TMTC2: variants seen among roughly 807,000 people sequenced by gnomAD.
TMTC2 encodes the protein transmembrane O-mannosyltransferase targeting cadherins 2.
TMTC2 carries 43 observed loss-of-function variants against 82.4 expected under a neutral mutation model. That is an observed-to-expected ratio of 0.52 (90% CI 0.41 to 0.67). The LOEUF is 0.67. TMTC2 is among the 30% of genes least tolerant of loss of function. TMTC2 has a pLI of 0.00. For missense variants in TMTC2, 919 were observed against 1,012.4 expected, an observed-to-expected ratio of 0.91 and a Z score of 1.25; for synonymous variants, 408 against 381.9, an observed-to-expected ratio of 1.07 and a Z score of -0.80.
chr12:82,726,393 T>C (rs1874448123), intron 1 of TMTC2, among the ~76,000 whole-genome samples: 1 of 152,204 alleles, frequency 6.6e-6, no homozygotes, highest in African/African-American at 2.4e-5. Context: ...TGTGGTTCTT[T>C]TTCCTAGCAA....
At chr12:83,123,083 G>A in intron 11 of TMTC2, among the ~76,000 whole-genome samples, 1 of 152,250 alleles carries the variant, frequency 6.6e-6, no homozygotes, top group East Asian at 1.9e-4. Flanking sequence ...CAAAACTGTT[G>A]GCATTTTGAT....
chr12:82,794,412 G>A (rs922156365), intron 1 of TMTC2, among the ~76,000 whole-genome samples: 3 of 152,120 alleles, frequency 2.0e-5, no homozygotes, highest in African/African-American at 4.8e-5. Context: ...TATATTGTTA[G>A]TGACATTTCA....
At position 82,747,770 on chromosome 12, in the gene TMTC2, G is replaced by A. The variant is rs571225050; in HGVS notation, c.83+60101G>A. 3.5e-4 allele frequency among the ~76,000 whole-genome samples: 53 copies of A among 152,160 alleles called. 1 individual carries two copies. Among genetic ancestry groups the A allele is most frequent in the African/African-American group, 1.3e-3 (53 of 41,516 alleles). On this transcript the variant is annotated intron_variant, in intron 1 of 11. Transcript: ENST00000321196. ...TAGCTTTTTTACTTAAATACGTTTAGCACTTTCTTTTTAGCAACTATTTGA... is the reference window on the plus strand; with the variant it reads ...TAGCTTTTTTACTTAAATACGTTTAACACTTTCTTTTTAGCAACTATTTGA...
chr12:83,003,715 T>A (rs1222650707), intron 8 of TMTC2, among the ~76,000 whole-genome samples: 1 of 152,196 alleles, frequency 6.6e-6, no homozygotes, highest in East Asian at 1.9e-4. Flanking sequence ...TGGAATTTCA[T>A]TTCTTTAAGG....
At chr12:82,729,827 G>A in intron 1 of TMTC2, among the ~76,000 whole-genome samples, 1 of 152,090 alleles carries the variant, frequency 6.6e-6, no homozygotes, top group East Asian at 1.9e-4. Context: ...TCACTCTTTG[G>A]GTCCACACTG....
chr12:82,850,016 G>A (rs1870888745), intron 1 of TMTC2, among the ~76,000 whole-genome samples: 2 of 151,988 alleles, frequency 1.3e-5, no homozygotes, highest in Non-Finnish European at 2.9e-5. Context: ...CAATTGTGTG[G>A]CCAGTGATGG....
chr12:82,937,764 A>ATATATATGTGTG (rs1565818292), intron 4 of TMTC2, among the ~76,000 whole-genome samples: 38 of 18,692 alleles, frequency 2.0e-3, no homozygotes, highest in African/African-American at 7.1e-3. Flanking sequence ...ATATATATAT[A>ATATATATGTGTG]TATATATATA....
At position 83,051,002 on chromosome 12, in the gene TMTC2, G is replaced by A. The variant is rs776040398; in HGVS notation, c.2251G>A (p.Ala751Thr). 8 of 1,609,984 alleles carry A rather than the reference G, an allele frequency of 5.0e-6. No homozygotes were observed. The Admixed American group carries it at 1.2e-4, about 24-fold the overall frequency. ...CACAGAGTTTGATGTTGTCTTCAATGCTGCCCACATGCTCAGGTTAGTTTT... is the reference window on the plus strand; with the variant it reads ...CACAGAGTTTGATGTTGTCTTCAATACTGCCCACATGCTCAGGTTAGTTTT... ...DSTEFDVVFNAAHMLRQASLN... is the reference protein window; with the variant it reads ...DSTEFDVVFNTAHMLRQASLN... Residue 751 changes from alanine to threonine, a missense_variant, in exon 10 of 12, where the codon GCT becomes ACT. Ala to Thr is a moderately conservative substitution (Grantham distance 58). Coordinates refer to ENST00000321196, the MANE Select transcript of TMTC2 (RefSeq NM_152588.3).
At chr12:82,733,322 A>G (rs999963351) in intron 1 of TMTC2, among the ~76,000 whole-genome samples, 2 of 152,198 alleles carry the variant, frequency 1.3e-5, no homozygotes, top group Non-Finnish European at 2.9e-5. Flanking sequence ...TGCGTTGAGT[A>G]CCTGCTAGGT....
chr12:82,752,579 G>A (rs1330220415), intron 1 of TMTC2, among the ~76,000 whole-genome samples: 1 of 152,054 alleles, frequency 6.6e-6, no homozygotes, highest in African/African-American at 2.4e-5. Flanking sequence ...GCATAAACTG[G>A]GGAGTGGCGA....
intron 4 of TMTC2, among the ~76,000 whole-genome samples, chr12:82,947,325 A>ATTTTTTTTTTC (rs11416434): frequency 5.4e-5 from 8 of 147,640 alleles, no homozygotes; most frequent in African/African-American, 2.0e-4. Flanking sequence ...GCAGAGTGCA[A>ATTTTTTTTTTC]TTTTTTTTTC....
chr12:83,096,614 C>T (rs1474351374), intron 11 of TMTC2, among the ~76,000 whole-genome samples: 1 of 152,180 alleles, frequency 6.6e-6, no homozygotes, highest in Non-Finnish European at 1.5e-5. Flanking sequence ...GGGAACTCCT[C>T]TTTATAAAAC....
At chr12:82,853,984 G>A (rs182679171) in intron 1 of TMTC2, among the ~76,000 whole-genome samples, 10 of 150,878 alleles carry the variant, frequency 6.6e-5, no homozygotes, top group Admixed American at 5.3e-4. Context: ...AACCCATCAA[G>A]TCTTAAGCAA....
At chr12:83,075,463 C>A (rs192975489) in intron 11 of TMTC2, among the ~76,000 whole-genome samples, 3 of 152,208 alleles carry the variant, frequency 2.0e-5, no homozygotes, top group Admixed American at 2.0e-4. Context: ...AGACACACCC[C>A]TCCCCCCAAA....
At position 82,687,640 on chromosome 12, in the gene TMTC2, C is replaced by G. The variant is rs143972184; in HGVS notation, c.54C>G (p.Thr18=). The change falls in exon 1 of 12, where the codon ACC becomes ACG. Residue 18 remains threonine (T), a synonymous_variant. Coordinates refer to ENST00000321196, the MANE Select transcript of TMTC2 (RefSeq NM_152588.3). ...TGGGGCTCGCCTTGTATCTCAACAC[C>G]CTGAGTGCGGATTTCTGCTATGATG... ...SALGLALYLN[T]LSADFCYDDS... 2.5e-6 allele frequency: 4 copies of G among 1,604,758 alleles called. No homozygotes were observed. The South Asian group carries it at 3.4e-5, about 14-fold the overall frequency.
chr12:82,784,475 C>T (rs1878077816), intron 1 of TMTC2, among the ~76,000 whole-genome samples: 1 of 152,186 alleles, frequency 6.6e-6, no homozygotes, highest in East Asian at 1.9e-4. Context: ...CCTGATACAT[C>T]GGTGTTTCCT....
chr12:82,956,702 C>A (rs2137288263), intron 4 of TMTC2, among the ~76,000 whole-genome samples: 1 of 152,230 alleles, frequency 6.6e-6, no homozygotes, highest in African/African-American at 2.4e-5. Context: ...GATCCGCCCG[C>A]CTTTGCCTCC....
intron 1 of TMTC2, among the ~76,000 whole-genome samples, chr12:82,800,015 G>A (rs946784827): frequency 6.6e-6 from 1 of 152,048 alleles, no homozygotes; most frequent in Admixed American, 6.6e-5. Flanking sequence ...ATATAAACTA[G>A]TTTAATGTGT....
At chr12:82,768,470 G>C (rs929003454) in intron 1 of TMTC2, among the ~76,000 whole-genome samples, 6 of 152,090 alleles carry the variant, frequency 3.9e-5, no homozygotes, top group Admixed American at 6.6e-5. Flanking sequence ...AATAGTGTGC[G>C]TCCCATCTTC....
Sources: gnomAD v4.1 joint callset for allele counts (sites outside exome capture counted in the v4.1 genomes callset) on GRCh38, gnomAD v4.1.1 for gene constraint, MANE v1.5 for transcripts, NCBI Gene and HGNC (gene_info 2026-07-23, HGNC 2026-07-21) for gene names.